Variants in ACSS3 observed in about 807,000 individuals in gnomAD.
ACSS3 encodes the protein acyl-CoA synthetase short chain family member 3.
A neutral mutation model predicts 84.2 loss-of-function variants in ACSS3; 64 were observed. The ratio of observed to expected loss-of-function variants is 0.76; its 90% CI spans 0.62 to 0.94. The LOEUF (loss-of-function observed/expected upper bound fraction) is 0.94, where lower values mean the gene tolerates loss of function less well. Ranked by LOEUF, ACSS3 falls within the 40% of genes least tolerant of loss-of-function variation. The pLI, the probability that ACSS3 is intolerant of heterozygous loss-of-function variation, is 0.00. For missense variants in ACSS3, 815 were observed against 867.6 expected (o/e 0.94, Z 0.76); for synonymous variants, 317 against 310.1 (o/e 1.02, Z -0.23).
intron 8 of ACSS3, among the ~76,000 whole-genome samples, chr12:81,190,662 T>G (rs554352835): frequency 7.9e-5 from 12 of 152,182 alleles, no homozygotes; most frequent in Admixed American, 1.3e-4. Context: ...TAAAGCTCAT[T>G]TTTGTCTCAT....
chr12:81,116,802 T>C (rs1467495065), intron 2 of ACSS3, among the ~76,000 whole-genome samples: 2 of 152,180 alleles, frequency 1.3e-5, no homozygotes, highest in Non-Finnish European at 2.9e-5. Context: ...AAGTAAAATC[T>C]AATCATTATC....
intron 4 of ACSS3, among the ~76,000 whole-genome samples, chr12:81,142,041 T>A (rs7960221): frequency 0.34 from 51,840 of 152,106 alleles, 11,150 homozygotes; most frequent in Non-Finnish European, 0.48. Flanking sequence ...TATTTAAATA[T>A]ATGAACAGTT....
intron 13 of ACSS3, among the ~76,000 whole-genome samples, chr12:81,235,544 A>G (rs988462089): frequency 6.6e-6 from 1 of 151,338 alleles, no homozygotes; most frequent in African/African-American, 2.4e-5. Flanking sequence ...ATTTTGATTC[A>G]GATTGTGTTA....
rs762383831 is a variant in ACSS3, at chr12:81,217,081, C to G, written c.1450+85C>G. The G allele has an allele frequency of 3.5e-4, 358 of 1,025,748 alleles. 1 individual carries two copies. Among genetic ancestry groups the G allele is most frequent in the Non-Finnish European group, 4.3e-4 (299 of 687,962 alleles). 63.5% of individuals were successfully genotyped at this position (1,025,748 alleles called of 1,614,324 possible). A position where few individuals can be genotyped will look rare whatever the true frequency, so the allele number is the denominator to read the frequency against. On this transcript the variant is annotated intron_variant, in intron 10 of 15. Coordinates refer to ENST00000548058, the MANE Select transcript of ACSS3 (RefSeq NM_024560.4). Reference sequence around the variant, plus strand: ...TGTGTATTATGTTGCATGAAACAAACTAGGGGCTTAATTAGAATCTGGTTG... The same window carrying G: ...TGTGTATTATGTTGCATGAAACAAAGTAGGGGCTTAATTAGAATCTGGTTG...
At chr12:81,169,096 C>G (rs992854906) in intron 7 of ACSS3, among the ~76,000 whole-genome samples, 6 of 152,098 alleles carry the variant, frequency 3.9e-5, no homozygotes, top group African/African-American at 1.4e-4. Context: ...CCAAGAAGTT[C>G]TACTGTATAT....
chr12:81,121,208 C>T (rs1344855148), intron 2 of ACSS3, among the ~76,000 whole-genome samples: 7 of 152,044 alleles, frequency 4.6e-5, no homozygotes, highest in African/African-American at 1.4e-4. Context: ...GGAACATTGC[C>T]CAATCCTGGG....
At chr12:81,179,392 C>A (rs1281082729) in intron 8 of ACSS3, among the ~76,000 whole-genome samples, 4 of 150,620 alleles carry the variant, frequency 2.7e-5, no homozygotes, top group Admixed American at 6.6e-5. Context: ...AGTAAACAGA[C>A]AACGTAGAGT....
At chr12:81,138,681 T>G (rs1244074834) in intron 3 of ACSS3, among the ~76,000 whole-genome samples, 1 of 152,198 alleles carries the variant, frequency 6.6e-6, no homozygotes, top group African/African-American at 2.4e-5. Flanking sequence ...TATAAATTAT[T>G]GGAGATTTGG....
rs2034735246 is a variant in ACSS3 at position 81,259,760 on chromosome 12, C to G, written c.*4838C>G. 3.0e-6 allele frequency: 3 copies of G among 989,742 alleles called. No individual in the cohort carries two copies. Among genetic ancestry groups the G allele is most frequent in the Non-Finnish European group, 4.5e-6 (3 of 666,344 alleles). The allele number at this position is 989,742 out of a possible 1,614,324, so 61.3% of individuals were successfully genotyped here. A position where few individuals can be genotyped will look rare whatever the true frequency, so the allele number is the denominator to read the frequency against. On this transcript the variant is annotated 3_prime_UTR_variant, in exon 16 of 16. Coordinates refer to ENST00000548058, the MANE Select transcript of ACSS3 (RefSeq NM_024560.4). ...TGTACCTCCACGCAGCCTGCTTACT[C>G]CTGTCCTAGAAGATCATGAGAAGGA...
chr12:81,227,999 G>A (rs2033328247), intron 11 of ACSS3, among the ~76,000 whole-genome samples: 1 of 151,778 alleles, frequency 6.6e-6, no homozygotes, highest in Non-Finnish European at 1.5e-5. Context: ...GACATATGAT[G>A]TCCCTCTATA....
At chr12:81,253,866 T>G (rs1294703874) in intron 15 of ACSS3, among the ~76,000 whole-genome samples, 196 bp downstream of exon 15, 1 of 152,128 alleles carries the variant, frequency 6.6e-6, no homozygotes, top group Non-Finnish European at 1.5e-5. Flanking sequence ...GGAAAGAAAC[T>G]CAGATTAGTT....
At chr12:81,234,998 CT>C (rs1206684852) in intron 13 of ACSS3, among the ~76,000 whole-genome samples, 7 of 151,276 alleles carry the variant, frequency 4.6e-5, no homozygotes, top group Non-Finnish European at 8.9e-5. Context: ...CAAAGATTTT[CT>C]CTTTTGTTTT....
intron 7 of ACSS3, among the ~76,000 whole-genome samples, chr12:81,164,370 A>G (rs1887301343): frequency 6.6e-6 from 1 of 152,198 alleles, no homozygotes; most frequent in Admixed American, 6.5e-5. Flanking sequence ...GGTTTTCACA[A>G]TGCTAAAATC....
At chr12:81,078,030 G>A (rs748410613), upstream of ACSS3, 6 of 1,363,404 alleles carry the variant, frequency 4.4e-6, no homozygotes, top group Admixed American at 3.0e-5. Context: ...TTCGGAATTT[G>A]CCCCCGCCCC....
At position 81,231,057 on chromosome 12, in the gene ACSS3, G is replaced by A; in HGVS notation, c.1515G>A (p.Lys505=). Reference sequence around the variant, plus strand: ...TTTAACTTCTCTGTTTTTATATAAGGTTACCATTGCCACCTGGGGCTTTTT... The same window carrying A: ...TTTAACTTCTCTGTTTTTATATAAGATTACCATTGCCACCTGGGGCTTTTT... ...KARCLGNIVV[K]LPLPPGAFSG... The change falls in exon 12 of 16, where the codon AAG becomes AAA. Residue 505 remains lysine (K), a splice_region_variant and synonymous_variant. Transcript: ENST00000548058. 2 of 1,608,692 alleles carry A rather than the reference G, an allele frequency of 1.2e-6. No individual in the cohort carries two copies. Among genetic ancestry groups the A allele is most frequent in the Non-Finnish European group, 1.7e-6 (2 of 1,176,606 alleles).
chr12:81,124,150 T>A (rs577298424), intron 2 of ACSS3, among the ~76,000 whole-genome samples: 6 of 152,266 alleles, frequency 3.9e-5, no homozygotes, highest in African/African-American at 1.4e-4. Flanking sequence ...TGCCAGCCCC[T>A]GTTGTTTTTT....
intron 8 of ACSS3, among the ~76,000 whole-genome samples, chr12:81,182,567 T>C (rs557711250): frequency 2.5e-4 from 38 of 152,234 alleles, no homozygotes; most frequent in African/African-American, 8.7e-4. Flanking sequence ...AAGCACACAA[T>C]GTAAAAAGAT....
intron 11 of ACSS3, among the ~76,000 whole-genome samples, chr12:81,225,333 C>T (rs2033237843): frequency 6.6e-6 from 1 of 151,834 alleles, no homozygotes; most frequent in Non-Finnish European, 1.5e-5. Flanking sequence ...TTTTAAGATA[C>T]CACATCTTGT....
chr12:81,205,677 T>A (rs986483321), intron 9 of ACSS3, among the ~76,000 whole-genome samples: 2 of 152,098 alleles, frequency 1.3e-5, no homozygotes, highest in African/African-American at 2.4e-5. Context: ...CCATTGTTCC[T>A]CCTGAATTCT....
Sources: allele counts gnomAD v4.1 joint callset (sites outside exome capture counted in the v4.1 genomes callset), GRCh38; gene constraint gnomAD v4.1.1; transcripts MANE v1.5; gene names NCBI Gene and HGNC (gene_info 2026-07-23, HGNC 2026-07-21).